Variants in SPATA31H1 observed in about 807,000 individuals in gnomAD.
SPATA31H1 encodes the protein SPATA31 subfamily H member 1.
the SPATA31H1 span, chr2:27,582,659 G>A: frequency 2.3e-6 from 2 of 863,032 alleles, no homozygotes; most frequent in Non-Finnish European, 3.6e-6. Context: ...TCTCTCTACC[G>A]GGGGGGAGGC....
chr2:27,548,425 T>G, the SPATA31H1 span, among the ~76,000 whole-genome samples: 3 of 151,486 alleles, frequency 2.0e-5, no homozygotes, highest in African/African-American at 7.3e-5. Context: ...CTGGGCAACA[T>G]GGTGAAACCC....
the SPATA31H1 span, chr2:27,580,753 A>C: frequency 1.9e-6 from 3 of 1,614,206 alleles, no homozygotes; most frequent in Non-Finnish European, 2.5e-6. Context: ...TATCCAAAAC[A>C]AAATGCCAGG....
At chr2:27,577,553 G>C in the SPATA31H1 span, 1 of 1,614,140 alleles carries the variant, frequency 6.2e-7, no homozygotes, top group Non-Finnish European at 8.5e-7. The surrounding 1 kb of genome is among the most constrained non-coding windows in gnomAD (Gnocchi z 4.5). Flanking sequence ...AGAAAAGACT[G>C]CAAGGGGAAG....
chr2:27,540,537 C>T, the SPATA31H1 span, among the ~76,000 whole-genome samples: 1 of 137,402 alleles, frequency 7.3e-6, no homozygotes, highest in East Asian at 2.4e-4. Flanking sequence ...ACCCCCCCCC[C>T]ACCTCCCTCC....
the SPATA31H1 span, chr2:27,576,901 G>A: frequency 3.1e-6 from 5 of 1,614,086 alleles, no homozygotes; most frequent in Admixed American, 1.7e-5. Context: ...CAAACTCCAA[G>A]AACAAATTAT....
the SPATA31H1 span, chr2:27,567,523 C>T: frequency 4.2e-5 from 17 of 406,340 alleles, no homozygotes; most frequent in African/African-American, 2.9e-4. Context: ...GGATCTGGAT[C>T]AAATAGCACA....
the SPATA31H1 span, chr2:27,580,825 C>A: frequency 6.2e-7 from 1 of 1,614,178 alleles, no homozygotes; most frequent in Non-Finnish European, 8.5e-7. Context: ...CTAACGCCAG[C>A]AGGCTCAACC....
the SPATA31H1 span, among the ~76,000 whole-genome samples, chr2:27,543,792 G>A: frequency 6.6e-6 from 1 of 151,810 alleles, no homozygotes; most frequent in African/African-American, 2.4e-5. Flanking sequence ...CACCAGAAGG[G>A]CTCCGGGACC....
chr2:27,542,906 G>T, the SPATA31H1 span, among the ~76,000 whole-genome samples: 3 of 151,924 alleles, frequency 2.0e-5, no homozygotes, highest in Non-Finnish European at 4.4e-5. Context: ...AGACCACCCT[G>T]TCTCTACTGA....
chr2:27,577,575 T>C, the SPATA31H1 span: 3 of 1,614,158 alleles, frequency 1.9e-6, no homozygotes, highest in Non-Finnish European at 2.5e-6. The surrounding 1 kb of genome is among the most constrained non-coding windows in gnomAD (Gnocchi z 4.5). Flanking sequence ...ATCTGTGGTA[T>C]TGATTCCAAA....
the SPATA31H1 span, among the ~76,000 whole-genome samples, chr2:27,544,928 T>G: frequency 6.6e-6 from 1 of 151,960 alleles, no homozygotes; most frequent in Non-Finnish European, 1.5e-5. Flanking sequence ...AAATGTAGAA[T>G]GAAATTTAAC....
At chr2:27,574,507 T>C in the SPATA31H1 span, 16 of 398,504 alleles carry the variant, frequency 4.0e-5, no homozygotes, top group African/African-American at 6.2e-5. Context: ...CTTCAAGATG[T>C]AAAATCTATG....
At chr2:27,565,541 A>T in the SPATA31H1 span, 1 of 653,096 alleles carries the variant, frequency 1.5e-6, no homozygotes, top group Non-Finnish European at 2.8e-6. Flanking sequence ...TCCATGTCTA[A>T]AGATATGTAT....
chr2:27,565,952 T>C, the SPATA31H1 span: 2 of 706,486 alleles, frequency 2.8e-6, no homozygotes, highest in Admixed American at 2.0e-5. Context: ...ACTTCATCTT[T>C]GTTTCCTTAT....
the SPATA31H1 span, chr2:27,567,975 A>G: frequency 7.5e-6 from 3 of 398,874 alleles, no homozygotes; most frequent in African/African-American, 4.1e-5. Context: ...AGTGAGCATA[A>G]CCCCCAAACC....
At chr2:27,569,919 T>C in the SPATA31H1 span, 2 of 398,730 alleles carry the variant, frequency 5.0e-6, no homozygotes, top group African/African-American at 4.1e-5. Context: ...AGAATTAATC[T>C]CACAACCCCC....
the SPATA31H1 span, among the ~76,000 whole-genome samples, chr2:27,564,944 T>A: frequency 3.3e-5 from 5 of 152,148 alleles, no homozygotes; most frequent in Non-Finnish European, 5.9e-5. Flanking sequence ...ATAACCTGGC[T>A]TCCATCTACC....
the SPATA31H1 span, among the ~76,000 whole-genome samples, chr2:27,555,506 T>C: frequency 6.6e-6 from 1 of 151,456 alleles, no homozygotes; most frequent in African/African-American, 2.4e-5. Flanking sequence ...ATCCCATCTC[T>C]CCAAAAACCA....
chr2:27,564,604 G>C, the SPATA31H1 span, among the ~76,000 whole-genome samples: 5 of 152,040 alleles, frequency 3.3e-5, no homozygotes, highest in Non-Finnish European at 7.4e-5. Context: ...ATCACCTCAG[G>C]TCAGGGGTTT....
Sources: gnomAD v4.1 joint callset for allele counts (sites outside exome capture counted in the v4.1 genomes callset) on GRCh38, gnomAD v4.1.1 for gene constraint, Gnocchi (gnomAD v3.1) non-coding constraint, MANE v1.5 for transcripts, NCBI Gene and HGNC (gene_info 2026-07-23, HGNC 2026-07-21) for gene names.